The following TXNDC5 variants were observed in gnomAD, a reference collection of about 807,000 sequenced individuals.
TXNDC5 encodes the protein thioredoxin domain-containing protein 5.
In TXNDC5, 44 loss-of-function variants were observed where a neutral mutation model predicts 52.6. The observed-to-expected ratio is 0.84, with a 90% CI of 0.66 to 1.08. The LOEUF is 1.08. TXNDC5 is among the 50% of genes least tolerant of loss of function. The probability of loss-of-function intolerance (pLI) is 0.00; values close to 1 mark genes in which losing one functional copy is unlikely to be tolerated. For synonymous variants in TXNDC5, 241 were observed against 234.4 expected, an observed-to-expected ratio of 1.03 and a Z score of -0.26; for missense variants, 600 against 565.5, an observed-to-expected ratio of 1.06 and a Z score of -0.62.
intron 3 of TXNDC5, among the ~76,000 whole-genome samples, chr6:7,897,855 A>G (rs1176821403): frequency 6.6e-6 from 1 of 152,226 alleles, no homozygotes; most frequent in Non-Finnish European, 1.5e-5. Flanking sequence ...CATCCAATAT[A>G]TGTGTCCCCA....
intron 2 of TXNDC5, among the ~76,000 whole-genome samples, chr6:7,902,989 A>G (rs1400394208): frequency 2.0e-5 from 3 of 152,156 alleles, no homozygotes; most frequent in Non-Finnish European, 2.9e-5. Context: ...CTGAAGCCCC[A>G]TAACACATAC....
chr6:7,892,570 C>A (rs1035930768), intron 4 of TXNDC5, among the ~76,000 whole-genome samples: 2 of 152,190 alleles, frequency 1.3e-5, no homozygotes, highest in African/African-American at 2.4e-5. Flanking sequence ...TCCCACATGT[C>A]GTGGGAGGGA....
intron 1 of TXNDC5, 105 bp downstream of exon 1, chr6:7,910,409 G>A (rs1760879291): frequency 6.0e-6 from 7 of 1,176,310 alleles, no homozygotes; most frequent in Non-Finnish European, 7.5e-6. Flanking sequence ...GACCAGAGCC[G>A]TCGGCGTCCA....
At position 7,883,078 on chromosome 6, in the gene TXNDC5, G is replaced by A; in HGVS notation, c.*66C>T. The A allele has an allele frequency of 1.2e-6, 2 of 1,607,704 alleles. No homozygotes were observed. The highest frequency in any genetic ancestry group is 2.2e-5 in the South Asian group (2 of 90,776). ...CACCACTGGGAACCCAGTGGCCTCT[G>A]TGGGACTGAACTCCTAAACGCAGGG... On this transcript the variant is annotated 3_prime_UTR_variant, in exon 10 of 10. Coordinates refer to ENST00000379757, the MANE Select transcript of TXNDC5 (RefSeq NM_030810.5).
intron 3 of TXNDC5, among the ~76,000 whole-genome samples, chr6:7,898,691 A>G (rs1760455791): frequency 6.6e-6 from 1 of 152,136 alleles, no homozygotes; most frequent in African/African-American, 2.4e-5. Context: ...CACCAGGTCT[A>G]CCCGGCATCC....
At chr6:7,897,160 T>C (rs575486901) in intron 3 of TXNDC5, among the ~76,000 whole-genome samples, 1 of 152,094 alleles carries the variant, frequency 6.6e-6, no homozygotes, top group Non-Finnish European at 1.5e-5. Context: ...ATATAAGACA[T>C]GATCAACATA....
intron 7 of TXNDC5, 103 bp downstream of exon 7, chr6:7,888,600 CTG>C: frequency 7.1e-7 from 1 of 1,408,076 alleles, no homozygotes; most frequent in Non-Finnish European, 9.5e-7. Context: ...TGTCCCCAAA[CTG>C]TCATTTTGTC....
At chr6:7,891,442 C>T (rs1282228007) in intron 5 of TXNDC5, among the ~76,000 whole-genome samples, 179 bp downstream of exon 5, 2 of 152,152 alleles carry the variant, frequency 1.3e-5, no homozygotes, top group African/African-American at 4.8e-5. Flanking sequence ...GTGGAAAAGC[C>T]AGCAAAACTC....
At position 7,891,717 on chromosome 6, in the gene TXNDC5, G is replaced by C; in HGVS notation, c.636C>G (p.Phe212Leu). Residue 212 changes from phenylalanine (F) to leucine (L), a missense_variant, in exon 5 of 10, where the codon TTC becomes TTG. Phe to Leu is a conservative substitution (Grantham distance 22). Coordinates refer to ENST00000379757, the MANE Select transcript of TXNDC5 (RefSeq NM_030810.5). ...HVAQGDHFIK[F>L]FAPWCGHCKA... is the part of the protein sequence containing the mutation. Reference sequence around the variant, plus strand: ...TGCAGTGACCACACCACGGAGCGAAGAACTTGATAAAGTGGTCGCCTGGAG... The same window carrying C: ...TGCAGTGACCACACCACGGAGCGAACAACTTGATAAAGTGGTCGCCTGGAG... 2 of 1,613,742 alleles carry C rather than the reference G, an allele frequency of 1.2e-6. No individual in the cohort carries two copies. The highest frequency in any genetic ancestry group is 1.7e-6 in the Non-Finnish European group (2 of 1,179,764).
chr6:7,886,828 G>A (rs375904798), intron 7 of TXNDC5, among the ~76,000 whole-genome samples: 1 of 152,272 alleles, frequency 6.6e-6, no homozygotes, highest in Non-Finnish European at 1.5e-5. Context: ...ATTTGAGTCT[G>A]GCATCGAGTA....
chr6:7,886,657 A>C (rs1057268615), intron 7 of TXNDC5, among the ~76,000 whole-genome samples: 1 of 152,240 alleles, frequency 6.6e-6, no homozygotes, highest in African/African-American at 2.4e-5. Flanking sequence ...GGAGAATTTA[A>C]GGGAAAGGTG....
rs757800551 is a variant in TXNDC5 at position 7,891,604 on chromosome 6, T to C, written c.732+17A>G. On this transcript the variant is annotated intron_variant, in intron 5 of 9. Coordinates refer to ENST00000379757, the MANE Select transcript of TXNDC5 (RefSeq NM_030810.5). Reference sequence around the variant, plus strand: ...CCAAAGCAGTCCATTTCCAGTTTAATAAGGGCTTTCACTCACCTTGCCAAT... The same window carrying C: ...CCAAAGCAGTCCATTTCCAGTTTAACAAGGGCTTTCACTCACCTTGCCAAT... 2.5e-6 allele frequency: 4 copies of C among 1,606,422 alleles called. No individual in the cohort carries two copies. Among genetic ancestry groups the C allele is most frequent in the South Asian group, 1.1e-5 (1 of 90,728 alleles).
chr6:7,883,236 G>T lies in TXNDC5; in HGVS notation c.1207C>A (p.Arg403=). 2 of 1,614,012 alleles carry T rather than the reference G, an allele frequency of 1.2e-6. No homozygotes were observed. The highest frequency in any genetic ancestry group is 1.7e-6 in the Non-Finnish European group (2 of 1,179,994). ...TGCTCACTGACTTTCTTCCCTCCTC[G>T]GAAAAGCAATAACGTGGGGTAGCCT... ...VRGYPTLLLF[R]GGKKVSEHSG... Residue 403 remains arginine, a synonymous_variant, in exon 10 of 10, where the codon CGA becomes AGA. Transcript: ENST00000379757.
intron 3 of TXNDC5, among the ~76,000 whole-genome samples, chr6:7,895,626 C>T (rs973958830): frequency 1.3e-5 from 2 of 152,212 alleles, no homozygotes; most frequent in African/African-American, 2.4e-5. Flanking sequence ...TCAGCACTTG[C>T]AGACACCAGA....
At chr6:7,901,255 C>A (rs1191025528) in intron 2 of TXNDC5, among the ~76,000 whole-genome samples, 1 of 152,164 alleles carries the variant, frequency 6.6e-6, no homozygotes, top group Non-Finnish European at 1.5e-5. Flanking sequence ...CCTCACCTAG[C>A]CTGGCACCTC....
At chr6:7,900,850 C>G (rs1760541948) in intron 2 of TXNDC5, among the ~76,000 whole-genome samples, 1 of 152,132 alleles carries the variant, frequency 6.6e-6, no homozygotes, top group Non-Finnish European at 1.5e-5. Context: ...TTCATGAGAG[C>G]TCCACCCTAA....
chr6:7,888,745 G>A lies in TXNDC5; in HGVS notation c.923C>T (p.Ser308Leu). ...CTCAGCTGCCAGCACCGGGGCCTCTGAGGGCGTGACGGTCTCCGTCGCTCC... is the reference window on the plus strand; with the variant it reads ...CTCAGCTGCCAGCACCGGGGCCTCTAAGGGCGTGACGGTCTCCGTCGCTCC... The part of the protein sequence containing the change: ...ETGATETVTP[S>L]EAPVLAAEPE... The change falls in exon 7 of 10, where the codon TCA (serine) becomes TTA (leucine). Residue 308 changes from serine (S) to leucine (L), a missense_variant. Transcript: ENST00000379757. The A allele has an allele frequency of 6.2e-7, 1 of 1,613,892 alleles. No homozygotes were observed. The highest frequency in any genetic ancestry group is 1.3e-5 in the African/African-American group (1 of 75,072).
chr6:7,907,261 C>A (rs1479019159), intron 1 of TXNDC5, among the ~76,000 whole-genome samples: 1 of 151,702 alleles, frequency 6.6e-6, no homozygotes. Context: ...CCATTCTGGG[C>A]CATCACCAAG....
chr6:7,910,552 G>C lies in TXNDC5; in HGVS notation c.225C>G (p.Ile75Met), dbSNP rs1421725312. The change falls in exon 1 of 10, where the codon ATC becomes ATG. Residue 75 changes from isoleucine to methionine, a missense_variant. Ile to Met is a conservative substitution (Grantham distance 10). Coordinates refer to ENST00000379757, the MANE Select transcript of TXNDC5 (RefSeq NM_030810.5). Reference sequence around the variant, plus strand: ...ACATGACGAAGTGCGCGGCGCTCTGGATCCCGTGCGTGAACATGTCGGCCG... The same window carrying C: ...ACATGACGAAGTGCGCGGCGCTCTGCATCCCGTGCGTGAACATGTCGGCCG... ...LYTADMFTHG[I>M]QSAAHFVMFF... 1.4e-6 allele frequency: 2 copies of C among 1,456,532 alleles called. No individual in the cohort carries two copies. Among genetic ancestry groups the C allele is most frequent in the African/African-American group, 3.0e-5 (2 of 66,874 alleles). 90.2% of individuals were successfully genotyped at this position (1,456,532 alleles called of 1,614,324 possible). A position where few individuals can be genotyped will look rare whatever the true frequency, so the allele number is the denominator to read the frequency against.
Sources: gnomAD v4.1 joint callset for allele counts (sites outside exome capture counted in the v4.1 genomes callset) on GRCh38, gnomAD v4.1.1 for gene constraint, MANE v1.5 for transcripts, NCBI Gene and HGNC (gene_info 2026-07-23, HGNC 2026-07-21) for gene names.